Variants in RND3 observed in about 807,000 individuals in gnomAD.
The protein encoded by RND3 is Rho family GTPase 3.
Under a neutral mutation model 26.5 loss-of-function variants are expected in RND3, and 8 were observed. That is an observed-to-expected ratio of 0.30 (90% CI 0.18 to 0.54). RND3 has a LOEUF of 0.54. RND3 is among the 20% of genes least tolerant of loss of function. RND3 has a pLI of 0.94. For missense variants in RND3, 207 were observed against 302.8 expected (o/e 0.68, Z 2.35); for synonymous variants, 113 against 113.0 (o/e 1.00, Z 0.00).
At chr2:150,483,587 T>C (rs1388833176) in intron 3 of RND3, among the ~76,000 whole-genome samples, 1 of 152,200 alleles carries the variant, frequency 6.6e-6, no homozygotes, top group Non-Finnish European at 1.5e-5. Context: ...AAATAAATGT[T>C]TTAGTGGGCA....
intron 4 of RND3, among the ~76,000 whole-genome samples, chr2:150,474,343 G>C (rs1686131675): frequency 6.6e-6 from 1 of 152,122 alleles, no homozygotes; most frequent in Non-Finnish European, 1.5e-5. Context: ...TTACTAGAAA[G>C]ATACCTGGTC....
At chr2:150,478,578 G>GAAAAA (rs752844515) in intron 3 of RND3, among the ~76,000 whole-genome samples, 16 of 74,166 alleles carry the variant, frequency 2.2e-4, no homozygotes, top group African/African-American at 7.8e-4. Context: ...AAGCCAAACG[G>GAAAAA]CAAAAAAAAA....
chr2:150,482,179 A>G (rs1407691321), intron 3 of RND3, among the ~76,000 whole-genome samples: 4 of 152,240 alleles, frequency 2.6e-5, no homozygotes, highest in Non-Finnish European at 5.9e-5. Context: ...AAAAGTAATA[A>G]TAAGCCTTAA....
At position 150,469,012 on chromosome 2, in the gene RND3, GT is replaced by G. The variant is rs1686037609; in HGVS notation, c.*974del. The G allele has an allele frequency of 6.6e-6, 1 of 152,542 alleles. No individual in the cohort carries two copies. The highest frequency in any genetic ancestry group is 6.6e-5 in the Admixed American group (1 of 15,260). The allele number at this position is 152,542 out of a possible 1,614,324, so 9.4% of individuals were successfully genotyped here. A position where few individuals can be genotyped will look rare whatever the true frequency, so the allele number is the denominator to read the frequency against. ...ATAGTCCTTTTGCTTTGTATTTTTG[GT>G]AACTTAATTCCAGACAGCTTTACTC... is the stretch of plus-strand genomic sequence containing the variant. On this transcript the variant is annotated 3_prime_UTR_variant, in exon 6 of 6. Coordinates refer to ENST00000263895, the MANE Select transcript of RND3 (RefSeq NM_005168.5).
chr2:150,483,243 C>G (rs1234425422), intron 3 of RND3, among the ~76,000 whole-genome samples: 1 of 151,672 alleles, frequency 6.6e-6, no homozygotes, highest in East Asian at 1.9e-4. Flanking sequence ...AGAAGCTGTC[C>G]AACTAAAGAG....
intron 3 of RND3, among the ~76,000 whole-genome samples, chr2:150,485,703 C>T (rs1220234374): frequency 2.6e-5 from 4 of 152,110 alleles, no homozygotes; most frequent in African/African-American, 4.8e-5. Flanking sequence ...CCCAAGACCT[C>T]AGATGGTGCC....
Position 150,471,770 on chromosome 2 carries a change from G to GAA in RND3, c.349-11_349-10dup. The stretch of plus-strand genomic sequence containing the variant: ...TGGATTTCACCTTTCCACTATGAAA[G>GAA]AAAAAAAAAAAAGATTAAAAATGAA... On this transcript the variant is annotated splice_polypyrimidine_tract_variant and intron_variant, in intron 4 of 5. Transcript: ENST00000263895. 1 of 1,101,326 alleles carries GAA rather than the reference G, an allele frequency of 9.1e-7. No individual in the cohort carries two copies. Among genetic ancestry groups the GAA allele is most frequent in the Non-Finnish European group, 1.3e-6 (1 of 786,860 alleles). The allele number at this position is 1,101,326 out of a possible 1,614,324, so 68.2% of individuals were successfully genotyped here. A position where few individuals can be genotyped will look rare whatever the true frequency, so the allele number is the denominator to read the frequency against.
Position 150,474,972 on chromosome 2 carries a change from T to C in RND3, c.251A>G (p.Tyr84Cys). ...SLWDTSGSPY[Y>C]DNVRPLSYPD... ...GTAAGAGAGGGGGCGGACATTGTCA[T>C]AGTAAGGAGAACCTGAGAAGAAACA... Residue 84 changes from tyrosine to cysteine, a missense_variant, in exon 4 of 6, where the codon TAT becomes TGT. Physicochemically the swap from Tyr to Cys is radical, Grantham distance 194 (BLOSUM62 -2). Coordinates refer to ENST00000263895, the MANE Select transcript of RND3 (RefSeq NM_005168.5). The C allele has an allele frequency of 6.2e-7, 1 of 1,609,720 alleles. No homozygotes were observed. Among genetic ancestry groups the C allele is most frequent in the Non-Finnish European group, 8.5e-7 (1 of 1,176,194 alleles).
chr2:150,469,937 G>C lies in RND3; in HGVS notation c.*50C>G, dbSNP rs761195430. On this transcript the variant is annotated 3_prime_UTR_variant, in exon 6 of 6. Transcript: ENST00000263895. ...TTTAGACTTCACCTTTTTGTTTGCT[G>C]TTGTTTTTTACACTAGATTCCTTTG... 38 of 1,597,396 alleles carry C rather than the reference G, an allele frequency of 2.4e-5. No individual in the cohort carries two copies. In the East Asian group the frequency reaches 8.1e-4, roughly 34 times the overall value.
chr2:150,486,758 C>G lies in RND3; in HGVS notation c.174G>C (p.Glu58Asp). 1.9e-6 allele frequency: 3 copies of G among 1,613,280 alleles called. No homozygotes were observed. Among genetic ancestry groups the G allele is most frequent in the Non-Finnish European group, 2.5e-6 (3 of 1,179,186 alleles). Residue 58 changes from glutamate (E) to aspartate (D), a missense_variant, in exon 3 of 6, where the codon GAG (glutamate) becomes GAC (aspartate). By Grantham distance (45) the Glu-to-Asp change is conservative. Coordinates refer to ENST00000263895, the MANE Select transcript of RND3 (RefSeq NM_005168.5). This position sits in a 1 kb window ranked among gnomAD's most constrained non-coding sequence, Gnocchi z 4.5. ...CGATTTCAAAACTGGCCGTGTAATT[C>G]TCAAACACTGTAGGAACGTAATTCT... Reference protein sequence around the residue: ...FPENYVPTVFENYTASFEIDT... With the variant: ...FPENYVPTVFDNYTASFEIDT...
At chr2:150,478,012 T>C (rs1212860953) in intron 3 of RND3, among the ~76,000 whole-genome samples, 4 of 152,140 alleles carry the variant, frequency 2.6e-5, no homozygotes, top group Non-Finnish European at 5.9e-5. Context: ...ACAAGAGTAA[T>C]TTATTTAAAA....
intron 3 of RND3, chr2:150,485,406 C>T (rs1318865213): frequency 2.0e-5 from 3 of 152,314 alleles, no homozygotes; most frequent in African/African-American, 7.2e-5. Flanking sequence ...GGGAAGCTCA[C>T]AGAAACACCT....
rs1686368632 is a variant in RND3 at position 150,486,615 on chromosome 2, G to C, written c.238+79C>G. The C allele has an allele frequency of 2.0e-6, 2 of 988,890 alleles. No homozygotes were observed. Among genetic ancestry groups the C allele is most frequent in the East Asian group, 4.7e-5 (2 of 42,128 alleles). The allele number at this position is 988,890 out of a possible 1,614,324, so 61.3% of individuals were successfully genotyped here. A position where few individuals can be genotyped will look rare whatever the true frequency, so the allele number is the denominator to read the frequency against. The stretch of plus-strand genomic sequence containing the variant: ...GAGGGGCGCAGACGGCTTGTAGCGC[G>C]CGGTTTCCCGAGACCCGCCGCGCAT... On this transcript the variant is annotated intron_variant, in intron 3 of 5. Transcript: ENST00000263895. This position sits in a 1 kb window ranked among gnomAD's most constrained non-coding sequence, Gnocchi z 4.5.
chr2:150,471,614 G>T lies in RND3; in HGVS notation c.483+13C>A, dbSNP rs780684839. On this transcript the variant is annotated intron_variant, in intron 5 of 5. Transcript: ENST00000263895. The stretch of plus-strand genomic sequence containing the variant: ...TTCTAAAATCCAGTTTTGCACATGG[G>T]CAACATACATACCTGGTCATAGGAC... 3 of 1,585,764 alleles carry T rather than the reference G, an allele frequency of 1.9e-6. No individual in the cohort carries two copies. The highest frequency in any genetic ancestry group is 3.7e-5 in the Admixed American group (2 of 54,622).
In RND3 at chr2:150,469,181, G is replaced by A. The variant is rs1686039916; in HGVS notation, c.*806C>T. On this transcript the variant is annotated 3_prime_UTR_variant, in exon 6 of 6. Coordinates refer to ENST00000263895, the MANE Select transcript of RND3 (RefSeq NM_005168.5). ...TATTTGACTTTGCATTTTTATCAAC[G>A]ATGGCAAAAAATCACACAACTTCTA... 1 of 152,310 alleles carries A rather than the reference G, an allele frequency of 6.6e-6. No individual in the cohort carries two copies. Among genetic ancestry groups the A allele is most frequent in the Non-Finnish European group, 1.5e-5 (1 of 67,994 alleles). The allele number at this position is 152,310 out of a possible 1,614,324, so 9.4% of individuals were successfully genotyped here.
In RND3 at chr2:150,469,944, T is replaced by C. The variant is rs370782521; in HGVS notation, c.*43A>G. On this transcript the variant is annotated 3_prime_UTR_variant, in exon 6 of 6. Coordinates refer to ENST00000263895, the MANE Select transcript of RND3 (RefSeq NM_005168.5). ...TTCACCTTTTTGTTTGCTGTTGTTT[T>C]TTACACTAGATTCCTTTGTCTTCAT... The C allele has an allele frequency of 5.6e-5, 89 of 1,603,338 alleles. No homozygotes were observed. The highest frequency in any genetic ancestry group is 7.2e-5 in the Non-Finnish European group (84 of 1,173,330).
Position 150,475,010 on chromosome 2 carries a change from T to C in RND3, c.239-26A>G. On this transcript the variant is annotated intron_variant, in intron 3 of 5. Coordinates refer to ENST00000263895, the MANE Select transcript of RND3 (RefSeq NM_005168.5). ...CTGAGAAGAAACAAAGACACACAAA[T>C]TTTCAGATGAGAGTCCCCTTGTCTG... is the stretch of plus-strand genomic sequence containing the variant. The C allele has an allele frequency of 2.8e-6, 4 of 1,446,320 alleles. No homozygotes were observed. In the East Asian group the frequency reaches 9.1e-5, roughly 33 times the overall value. The allele number at this position is 1,446,320 out of a possible 1,614,324, so 89.6% of individuals were successfully genotyped here.
chr2:150,470,349 G>A, intron 5 of RND3, 111 bp from the exon 6 acceptor site: 2 of 1,089,152 alleles, frequency 1.8e-6, no homozygotes, highest in Admixed American at 2.6e-5. Context: ...TTGCTGATAT[G>A]TTAACTGAAT....
rs1573958316 is a variant in RND3, at chr2:150,486,394, C to T, written c.238+300G>A. ...ACCCCACAGTATCGGGCCACCTCGG[C>T]CGACCCAAGGCGACTTGACCACGAC... On this transcript the variant is annotated intron_variant, in intron 3 of 5. Transcript: ENST00000263895. This position sits in a 1 kb window ranked among gnomAD's most constrained non-coding sequence, Gnocchi z 4.5. Among the ~76,000 whole-genome samples, 1 of 152,114 alleles carries T rather than the reference C, an allele frequency of 6.6e-6. No homozygotes were observed. Among genetic ancestry groups the T allele is most frequent in the East Asian group, 1.9e-4 (1 of 5,144 alleles).
Sources: gnomAD v4.1 joint callset for allele counts (sites outside exome capture counted in the v4.1 genomes callset) on GRCh38, gnomAD v4.1.1 for gene constraint, Gnocchi (gnomAD v3.1) non-coding constraint, MANE v1.5 for transcripts, NCBI Gene and HGNC (gene_info 2026-07-23, HGNC 2026-07-21) for gene names.